Variants in MIS18A observed in about 807,000 individuals in gnomAD.
MIS18A encodes the protein MIS18 kinetochore protein A.
A neutral mutation model predicts 25.0 loss-of-function variants in MIS18A; 14 were observed. The observed-to-expected ratio is 0.56, with a 90% CI of 0.37 to 0.88. The LOEUF (loss-of-function observed/expected upper bound fraction) is 0.88, where lower values mean the gene tolerates loss of function less well. Ranked by LOEUF, MIS18A falls within the 40% of genes least tolerant of loss-of-function variation. The pLI is 0.00. For missense variants in MIS18A, 292 were observed against 290.8 expected (o/e 1.00, Z -0.03); for synonymous variants, 134 against 118.6 (o/e 1.13, Z -0.84).
chr21:32,221,723 CAAA>C, the MIS18A span, among the ~76,000 whole-genome samples: 2 of 108,656 alleles, frequency 1.8e-5, no homozygotes, highest in Non-Finnish European at 1.9e-5. Context: ...ACGAATAATA[CAAA>C]AAAAAAAAAA....
the MIS18A span, among the ~76,000 whole-genome samples, chr21:32,220,793 G>C: frequency 6.6e-6 from 1 of 151,916 alleles, no homozygotes; most frequent in South Asian, 2.1e-4. Context: ...TAAATGACAT[G>C]ATGGAGCTGA....
At chr21:32,158,313 A>G in the MIS18A span, among the ~76,000 whole-genome samples, 1 of 152,204 alleles carries the variant, frequency 6.6e-6, no homozygotes, top group African/African-American at 2.4e-5. Flanking sequence ...AATCTGAAGA[A>G]TGTTAAAGAA....
rs1252463296 is a variant in MIS18A at position 32,269,738 on chromosome 21, C to T, written c.590G>A (p.Ser197Asn). The T allele has an allele frequency of 1.2e-6, 2 of 1,609,620 alleles. No homozygotes were observed. The highest frequency in any genetic ancestry group is 1.7e-6 in the Non-Finnish European group (2 of 1,176,020). ...SEDKELFNLE[S>N]RVEIEKSLTQ... ...TAGAGACTTTTCTATTTCAACTCTG[C>T]TTTCAAGATTAAAAAGCTCTTTATC... Residue 197 changes from serine (S) to asparagine (N), a missense_variant, in exon 4 of 5, where the codon AGC becomes AAC. Coordinates refer to ENST00000290130, the MANE Select transcript of MIS18A (RefSeq NM_018944.3).
At chr21:32,224,295 A>C in the MIS18A span, among the ~76,000 whole-genome samples, 1 of 148,176 alleles carries the variant, frequency 6.7e-6, no homozygotes, top group Admixed American at 6.7e-5. Context: ...AGGCAGGAGA[A>C]GGAAATAAAA....
chr21:32,220,841 T>A, the MIS18A span, among the ~76,000 whole-genome samples: 2 of 151,934 alleles, frequency 1.3e-5, no homozygotes, highest in East Asian at 3.9e-4. Flanking sequence ...CCTAAACAAG[T>A]ATCAATAGCT....
the MIS18A span, among the ~76,000 whole-genome samples, chr21:32,183,055 T>C: frequency 6.6e-6 from 1 of 152,154 alleles, no homozygotes; most frequent in East Asian, 1.9e-4. Flanking sequence ...AAGATGATAT[T>C]ATAGAAAAGC....
the MIS18A span, among the ~76,000 whole-genome samples, chr21:32,234,302 G>A: frequency 6.6e-6 from 1 of 152,200 alleles, no homozygotes; most frequent in African/African-American, 2.4e-5. Flanking sequence ...TCCTGATGCT[G>A]AGGATGCTGG....
the MIS18A span, among the ~76,000 whole-genome samples, chr21:32,223,382 C>T: frequency 2.6e-5 from 4 of 151,818 alleles, no homozygotes; most frequent in African/African-American, 9.7e-5. Context: ...GGAACGCCAG[C>T]CAGAGCAATA....
the MIS18A span, among the ~76,000 whole-genome samples, chr21:32,161,804 A>G: frequency 6.6e-6 from 1 of 151,274 alleles, no homozygotes; most frequent in South Asian, 2.1e-4. Context: ...AAGTTTTTAA[A>G]TAAACGTTTT....
At chr21:32,231,525 A>C in the MIS18A span, among the ~76,000 whole-genome samples, 3 of 152,166 alleles carry the variant, frequency 2.0e-5, no homozygotes, top group Non-Finnish European at 2.9e-5. Flanking sequence ...CTAGAATCTA[A>C]AAGACAGATA....
chr21:32,156,348 T>C, the MIS18A span: 9 of 152,142 alleles, frequency 5.9e-5, no homozygotes, highest in East Asian at 1.5e-3. Flanking sequence ...TAATATTCCA[T>C]AGCAAGCCAG....
the MIS18A span, among the ~76,000 whole-genome samples, chr21:32,190,812 C>A: frequency 6.6e-6 from 1 of 152,338 alleles, no homozygotes; most frequent in South Asian, 2.1e-4. Flanking sequence ...AACGAAAGTT[C>A]AGCCCAACCT....
the MIS18A span, among the ~76,000 whole-genome samples, chr21:32,233,532 G>A: frequency 1.5e-3 from 233 of 152,312 alleles, no homozygotes; most frequent in Non-Finnish European, 2.8e-3. Context: ...AATAAAGTAC[G>A]TAGCAGCCAC....
the MIS18A span, among the ~76,000 whole-genome samples, chr21:32,207,442 A>C: frequency 6.6e-6 from 1 of 152,196 alleles, no homozygotes; most frequent in Non-Finnish European, 1.5e-5. Flanking sequence ...AAAACTGAGA[A>C]AGGGGTCACT....
At chr21:32,183,989 C>G in the MIS18A span, among the ~76,000 whole-genome samples, 52 of 152,294 alleles carry the variant, frequency 3.4e-4, no homozygotes, top group Middle Eastern at 3.4e-3. Flanking sequence ...CTGCGTTTTT[C>G]AAAATACCAA....
chr21:32,161,452 C>A, the MIS18A span, among the ~76,000 whole-genome samples: 2 of 151,850 alleles, frequency 1.3e-5, no homozygotes, highest in Admixed American at 6.6e-5. Flanking sequence ...TTAGGCAACA[C>A]AGGGCTGCAT....
At chr21:32,157,223 A>ATTTTTTTTTTTTTTTTT in the MIS18A span, among the ~76,000 whole-genome samples, 25 of 72,318 alleles carry the variant, frequency 3.5e-4, 3 homozygotes, top group Middle Eastern at 0.016. Flanking sequence ...TACCCGGCTA[A>ATTTTTTTTTTTTTTTTT]TTTTTTTTTT....
chr21:32,204,714 C>T, the MIS18A span, among the ~76,000 whole-genome samples: 1 of 151,822 alleles, frequency 6.6e-6, no homozygotes, highest in East Asian at 1.9e-4. Flanking sequence ...TGGTGAAACC[C>T]TGTCTCTATC....
chr21:32,267,124 C>T (rs1307834589), downstream of MIS18A, among the ~76,000 whole-genome samples: 1 of 152,246 alleles, frequency 6.6e-6, no homozygotes, highest in Non-Finnish European at 1.5e-5. Flanking sequence ...GCAGCACAGA[C>T]AGGATGCAGC....
Sources: gnomAD v4.1 joint callset for allele counts (sites outside exome capture counted in the v4.1 genomes callset) on GRCh38, gnomAD v4.1.1 for gene constraint, MANE v1.5 for transcripts, NCBI Gene and HGNC (gene_info 2026-07-23, HGNC 2026-07-21) for gene names.